PKHD1: variants seen among roughly 807,000 people sequenced by gnomAD.
The protein encoded by PKHD1 is PKHD1 ciliary IPT domain containing fibrocystin/polyductin.
Under a neutral mutation model 412.0 loss-of-function variants are expected in PKHD1, and 291 were observed. The observed-to-expected ratio is 0.71, with a 90% CI of 0.64 to 0.78. The LOEUF (loss-of-function observed/expected upper bound fraction) is 0.78, where lower values mean the gene tolerates loss of function less well. PKHD1 is among the 30% of genes least tolerant of loss of function. PKHD1 has a pLI of 0.00. For synonymous variants in PKHD1, 1,777 were observed against 1,821.5 expected (o/e 0.98, Z 0.62); for missense variants, 4,825 against 4,950.7 (o/e 0.97, Z 0.76).
chr6:51,623,837 T>G (rs993131002), intron 66 of PKHD1, among the ~76,000 whole-genome samples: 1 of 152,184 alleles, frequency 6.6e-6, no homozygotes, highest in African/African-American at 2.4e-5. Flanking sequence ...TCTGTCCACT[T>G]CGGCCTCCCA....
chr6:52,007,523 A>G (rs887356828), intron 35 of PKHD1, among the ~76,000 whole-genome samples: 7 of 152,204 alleles, frequency 4.6e-5, no homozygotes, highest in African/African-American at 1.7e-4. Context: ...GTAACCATGT[A>G]TCACATATGT....
At chr6:51,959,032 T>C (rs1272182246) in intron 36 of PKHD1, among the ~76,000 whole-genome samples, 1 of 152,170 alleles carries the variant, frequency 6.6e-6, no homozygotes, top group Non-Finnish European at 1.5e-5. Flanking sequence ...TAAAATTCCA[T>C]TAGTTTATCC....
At chr6:51,760,548 A>C (rs935751490) in intron 55 of PKHD1, among the ~76,000 whole-genome samples, 1 of 152,096 alleles carries the variant, frequency 6.6e-6, no homozygotes, top group African/African-American at 2.4e-5. Context: ...GAAGTTATAC[A>C]GTCAAGGAGG....
chr6:52,075,803 T>C (rs1811249990), intron 6 of PKHD1, among the ~76,000 whole-genome samples: 3 of 152,170 alleles, frequency 2.0e-5, no homozygotes, highest in Admixed American at 1.3e-4. Flanking sequence ...TATATGACTT[T>C]CGGCAAATTT....
rs1554167673 is a variant in PKHD1, at chr6:51,632,618, C to T, written c.11612G>A (p.Trp3871Ter). The change falls in exon 65 of 67, where the codon TGG becomes TAG. Residue 3871 changes from tryptophan to a stop codon, truncating the protein, a stop_gained. Coordinates refer to ENST00000371117, the MANE Select transcript of PKHD1 (RefSeq NM_138694.4). LOFTEE classifies it high-confidence loss of function. ...GCACACCAGACAGCTCAGAGCCAGC[C>T]ATGAGGCCACAGAGGACAGGGAAGC... Reference protein sequence around the residue: ...LAASLSSVASWLALSCLVCCW... With the variant: ...LAASLSSVAS 2 of 1,613,516 alleles carry T rather than the reference C, an allele frequency of 1.2e-6. No individual in the cohort carries two copies. The highest frequency in any genetic ancestry group is 1.7e-6 in the Non-Finnish European group (2 of 1,179,648).
chr6:51,906,483 G>A (rs1319101397), intron 40 of PKHD1, 143 bp from the exon 41 acceptor site: 2 of 665,932 alleles, frequency 3.0e-6, no homozygotes, highest in Non-Finnish European at 2.7e-6. Context: ...AGCAGCAATC[G>A]AATCAAGAGA....
chr6:51,891,891 T>A (rs1292293037), intron 43 of PKHD1, among the ~76,000 whole-genome samples: 2 of 151,886 alleles, frequency 1.3e-5, no homozygotes, highest in Non-Finnish European at 2.9e-5. Flanking sequence ...GAAGTGTGAG[T>A]CAGGGCCAGA....
In PKHD1 at chr6:51,781,257, C is replaced by T. The variant is rs189353813; in HGVS notation, c.8441-5336G>A. 1.9e-3 allele frequency among the ~76,000 whole-genome samples: 292 copies of T among 152,210 alleles called. 2 individuals carry two copies. The highest frequency in any genetic ancestry group is 6.7e-3 in the African/African-American group (278 of 41,542). ...TGACTCGCTTATTCCTAAAACATTC[C>T]TCTCCAGTAGAACTGATTCCATCTG... On this transcript the variant is annotated intron_variant, in intron 53 of 66. Transcript: ENST00000371117.
chr6:52,069,929 A>T (rs536618098), intron 10 of PKHD1, among the ~76,000 whole-genome samples: 3 of 152,272 alleles, frequency 2.0e-5, no homozygotes, highest in Non-Finnish European at 4.4e-5. Context: ...TATCAATTAG[A>T]CCCTACGCTT....
intron 11 of PKHD1, among the ~76,000 whole-genome samples, chr6:52,068,975 AC>A (rs1422001373): frequency 2.6e-4 from 39 of 152,210 alleles, no homozygotes; most frequent in Non-Finnish European, 1.5e-5. Context: ...GCTTTCTACT[AC>A]CAAATCGAGT....
chr6:51,693,502 C>A (rs989653642), intron 60 of PKHD1, among the ~76,000 whole-genome samples: 1 of 152,152 alleles, frequency 6.6e-6, no homozygotes, highest in African/African-American at 2.4e-5. Context: ...CAAATCTAAT[C>A]ATTACAATAA....
At chr6:51,846,254 C>T (rs1771132069) in intron 50 of PKHD1, among the ~76,000 whole-genome samples, 1 of 152,166 alleles carries the variant, frequency 6.6e-6, no homozygotes, top group East Asian at 1.9e-4. Flanking sequence ...TAAAATTTAA[C>T]AGTTCTGGGG....
At chr6:51,794,934 C>A (rs1376799785) in intron 52 of PKHD1, among the ~76,000 whole-genome samples, 1 of 152,040 alleles carries the variant, frequency 6.6e-6, no homozygotes, top group Non-Finnish European at 1.5e-5. Flanking sequence ...GTTACTGTAG[C>A]CCTGCGGTAT....
At chr6:51,835,824 T>G (rs950705509) in intron 51 of PKHD1, among the ~76,000 whole-genome samples, 5 of 152,240 alleles carry the variant, frequency 3.3e-5, no homozygotes, top group African/African-American at 1.2e-4. Context: ...AAAATGCCAC[T>G]GAAAATTAAA....
rs112357604 is a variant in PKHD1 at position 52,025,108 on chromosome 6, G to A, written c.4702C>T (p.His1568Tyr). ...GYACSGNVSR[H>Y]FYIMPQVFHY... ...AACACTTGGGGCATAATGTAGAAGT[G>A]TCTGGAAACATTACCAGAACAAGCA... is the stretch of plus-strand genomic sequence containing the variant. The change falls in exon 32 of 67, where the codon CAC (histidine) becomes TAC (tyrosine). Residue 1568 changes from histidine (H) to tyrosine (Y), a missense_variant. By Grantham distance (83) the His-to-Tyr change is moderately conservative (BLOSUM62 2). Coordinates refer to ENST00000371117, the MANE Select transcript of PKHD1 (RefSeq NM_138694.4). The A allele has an allele frequency of 1.2e-6, 2 of 1,614,110 alleles. No homozygotes were observed. The highest frequency in any genetic ancestry group is 1.7e-5 in the Admixed American group (1 of 60,018).
chr6:51,885,420 C>T (rs1392948383), intron 45 of PKHD1, among the ~76,000 whole-genome samples: 3 of 152,020 alleles, frequency 2.0e-5, no homozygotes, highest in Admixed American at 1.3e-4. Flanking sequence ...TTCAGGATAT[C>T]GGGACATCAA....
At chr6:51,669,012 T>G (rs903978029) in intron 60 of PKHD1, among the ~76,000 whole-genome samples, 1 of 152,224 alleles carries the variant, frequency 6.6e-6, no homozygotes, top group Admixed American at 6.5e-5. Flanking sequence ...GTTCTCTTTT[T>G]CAGTTGTGTC....
At chr6:51,639,755 C>T (rs929297954) in intron 63 of PKHD1, among the ~76,000 whole-genome samples, 3 of 152,136 alleles carry the variant, frequency 2.0e-5, no homozygotes, top group Non-Finnish European at 2.9e-5. Context: ...CTAGACTTTA[C>T]TCTGGAAATG....
chr6:51,911,397 C>T (rs575827577), intron 39 of PKHD1, among the ~76,000 whole-genome samples: 1 of 152,082 alleles, frequency 6.6e-6, no homozygotes. Flanking sequence ...ATGGGGGAGC[C>T]CTACAAGTCT....
Sources: allele counts gnomAD v4.1 joint callset (sites outside exome capture counted in the v4.1 genomes callset), GRCh38; gene constraint gnomAD v4.1.1; transcripts MANE v1.5; gene names NCBI Gene and HGNC (gene_info 2026-07-23, HGNC 2026-07-21).